Variants in PTPRM observed in about 807,000 individuals in gnomAD.
The protein encoded by PTPRM is receptor-type tyrosine-protein phosphatase mu.
A neutral mutation model predicts 186.7 loss-of-function variants in PTPRM; 47 were observed. The ratio of observed to expected loss-of-function variants is 0.25; its 90% CI spans 0.20 to 0.32. The LOEUF is 0.32. Among genes scored for constraint, PTPRM ranks in the 10% least tolerant of loss-of-function variants. The pLI is 1.00. For synonymous variants in PTPRM, 668 were observed against 674.9 expected, an observed-to-expected ratio of 0.99 and a Z score of 0.16; for missense variants, 1,494 against 1,865.0, an observed-to-expected ratio of 0.80 and a Z score of 3.66.
intron 23 of PTPRM, among the ~76,000 whole-genome samples, chr18:8,367,444 C>G (rs540160537): frequency 3.9e-5 from 6 of 152,374 alleles, no homozygotes; most frequent in South Asian, 4.1e-4. Flanking sequence ...AGCACCGTGC[C>G]GAGCAGTTGA....
chr18:8,158,838 A>G (rs1410065853), intron 14 of PTPRM, among the ~76,000 whole-genome samples: 1 of 152,132 alleles, frequency 6.6e-6, no homozygotes, highest in East Asian at 1.9e-4. Context: ...AGACTTTGAA[A>G]CAACCAAATT....
At chr18:7,834,728 A>G (rs1364319502) in intron 2 of PTPRM, among the ~76,000 whole-genome samples, 6 of 151,866 alleles carry the variant, frequency 4.0e-5, no homozygotes, top group Admixed American at 2.6e-4. Context: ...CAGTGAAGCC[A>G]TCATCAGGTC....
chr18:8,071,148 T>C (rs1295605155), intron 8 of PTPRM, among the ~76,000 whole-genome samples: 1 of 152,136 alleles, frequency 6.6e-6, no homozygotes, highest in Non-Finnish European at 1.5e-5. Context: ...CTAAGTTTGA[T>C]GGAAGCCACT....
chr18:8,109,617 G>T (rs889550891), intron 11 of PTPRM, among the ~76,000 whole-genome samples: 1 of 152,048 alleles, frequency 6.6e-6, no homozygotes, highest in Non-Finnish European at 1.5e-5. Context: ...TGAAACAAAT[G>T]ATTTTTTTCA....
intron 1 of PTPRM, among the ~76,000 whole-genome samples, chr18:7,643,213 T>C (rs1159371715): frequency 1.3e-5 from 2 of 152,180 alleles, no homozygotes; most frequent in African/African-American, 4.8e-5. Context: ...TTTGCTTAGT[T>C]TTTCCCTAGT....
chr18:8,176,867 T>C (rs10513900), intron 14 of PTPRM, among the ~76,000 whole-genome samples: 48,250 of 152,076 alleles, frequency 0.32, 7,903 homozygotes, highest in Non-Finnish European at 0.37. Flanking sequence ...TGGTGACTAA[T>C]ATCCTTCACT....
Position 7,717,212 on chromosome 18 carries a change from A to G in PTPRM, c.74-56937A>G, listed in dbSNP as rs537414919. Among the ~76,000 whole-genome samples, 3 of 152,140 alleles carry G rather than the reference A, an allele frequency of 2.0e-5. No individual in the cohort carries two copies. In the South Asian group the frequency reaches 6.2e-4, roughly 32 times the overall value. ...CTTACATCCCTATTTTCCTGCTTGA[A>G]TGTTGCCTTTTCCTAAAACACCCAT... On this transcript the variant is annotated intron_variant, in intron 1 of 32. Transcript: ENST00000580170.
chr18:7,607,254 G>A (rs2037554247), intron 1 of PTPRM, among the ~76,000 whole-genome samples: 1 of 152,184 alleles, frequency 6.6e-6, no homozygotes, highest in Non-Finnish European at 1.5e-5. Flanking sequence ...GCGAGGAATA[G>A]AGATAGCTTA....
At chr18:7,771,633 G>A (rs559095754) in intron 1 of PTPRM, among the ~76,000 whole-genome samples, 3 of 152,340 alleles carry the variant, frequency 2.0e-5, no homozygotes, top group South Asian at 2.1e-4. Flanking sequence ...AGAGAAGACA[G>A]TGTCCAGGGA....
In PTPRM at chr18:7,892,488, C is replaced by T. The variant is rs2049131285; in HGVS notation, c.468+4111C>T. 2.0e-5 allele frequency among the ~76,000 whole-genome samples: 3 copies of T among 152,298 alleles called. No individual in the cohort carries two copies. In the South Asian group the frequency reaches 6.2e-4, roughly 32 times the overall value. On this transcript the variant is annotated intron_variant, in intron 3 of 32. Coordinates refer to ENST00000580170, the MANE Select transcript of PTPRM (RefSeq NM_001105244.2). ...TTGAGCACCTTTGGATAACATATTT[C>T]ACCTTCCCAATTGTGAACTTTTCTG...
chr18:8,021,803 G>A (rs1002265661), intron 7 of PTPRM, among the ~76,000 whole-genome samples: 1 of 151,958 alleles, frequency 6.6e-6, no homozygotes, highest in Non-Finnish European at 1.5e-5. Flanking sequence ...GGCTGGTCTT[G>A]AACTCCTAGG....
rs991471175 is a variant in PTPRM, at chr18:7,868,794, C to T, written c.197-19312C>T. 9.2e-5 allele frequency among the ~76,000 whole-genome samples: 14 copies of T among 152,220 alleles called. 1 individual carries two copies. The highest frequency in any genetic ancestry group is 1.5e-5 in the Non-Finnish European group (1 of 68,036). ...ACGTTTAAGTCTGCTGAAGCTGCGC[C>T]CACAGCCACCCCTTCCTCCAGGTGC... On this transcript the variant is annotated intron_variant, in intron 2 of 32. Transcript: ENST00000580170.
chr18:7,855,761 A>G (rs2047065336), intron 2 of PTPRM, among the ~76,000 whole-genome samples: 1 of 152,206 alleles, frequency 6.6e-6, no homozygotes, highest in Admixed American at 6.5e-5. Context: ...ATCTGAGAAG[A>G]CACTGTTTCC....
chr18:8,104,739 C>T (rs2091443997), intron 11 of PTPRM, among the ~76,000 whole-genome samples: 1 of 152,208 alleles, frequency 6.6e-6, no homozygotes, highest in Non-Finnish European at 1.5e-5. Context: ...TGAGGTACCA[C>T]ACCCAGCCCT....
chr18:7,998,344 A>G (rs1441165128), intron 7 of PTPRM, among the ~76,000 whole-genome samples: 2 of 152,104 alleles, frequency 1.3e-5, no homozygotes, highest in Non-Finnish European at 2.9e-5. Context: ...TCATGGAGTT[A>G]GAGAGTAGAA....
At chr18:7,716,403 G>A (rs2040332299) in intron 1 of PTPRM, among the ~76,000 whole-genome samples, 1 of 152,128 alleles carries the variant, frequency 6.6e-6, no homozygotes, top group South Asian at 2.1e-4. Context: ...AACCTAGGCA[G>A]TACCATTCAG....
intron 1 of PTPRM, among the ~76,000 whole-genome samples, chr18:7,623,743 A>G (rs1274918682): frequency 6.6e-6 from 1 of 152,110 alleles, no homozygotes; most frequent in Non-Finnish European, 1.5e-5. Flanking sequence ...ACTCTTATTC[A>G]CAAGCTCCTC....
At chr18:8,025,356 G>T (rs1238004385) in intron 7 of PTPRM, among the ~76,000 whole-genome samples, 1 of 152,142 alleles carries the variant, frequency 6.6e-6, no homozygotes, top group East Asian at 1.9e-4. Context: ...GGACATTCCT[G>T]CTGCTCTTCT....
chr18:7,957,113 G>C (rs984048768), intron 7 of PTPRM, among the ~76,000 whole-genome samples: 4 of 151,388 alleles, frequency 2.6e-5, no homozygotes, highest in Non-Finnish European at 4.4e-5. Context: ...GAGAGAGACT[G>C]TGATCTGTTT....
Sources: allele counts gnomAD v4.1 joint callset (sites outside exome capture counted in the v4.1 genomes callset), GRCh38; gene constraint gnomAD v4.1.1; transcripts MANE v1.5; gene names NCBI Gene and HGNC (gene_info 2026-07-23, HGNC 2026-07-21).